The following COL4A2 variants were observed in gnomAD, a reference collection of about 807,000 sequenced individuals.
COL4A2 encodes collagen type IV alpha 2 chain.
COL4A2 carries 99 observed loss-of-function variants against 200.2 expected under a neutral mutation model. The ratio of observed to expected loss-of-function variants is 0.49; its 90% CI spans 0.42 to 0.58. The LOEUF is 0.58. Ranked by LOEUF, COL4A2 falls within the 20% of genes least tolerant of loss-of-function variation. The probability of loss-of-function intolerance (pLI) is 0.00; values close to 1 mark genes in which losing one functional copy is unlikely to be tolerated. For missense variants in COL4A2, 1,950 were observed against 2,314.1 expected (o/e 0.84, Z 3.23); for synonymous variants, 897 against 900.6 (o/e 1.00, Z 0.07).
intron 28 of COL4A2, among the ~76,000 whole-genome samples, chr13:110,469,964 G>T (rs1415059180): frequency 2.1e-5 from 3 of 142,968 alleles, no homozygotes; most frequent in Non-Finnish European, 4.5e-5. Flanking sequence ...ACCCAGGCTG[G>T]AGTGCAGTGG....
intron 4 of COL4A2, among the ~76,000 whole-genome samples, chr13:110,389,409 C>A (rs769409879): frequency 1.3e-5 from 2 of 152,140 alleles, no homozygotes; most frequent in East Asian, 3.8e-4. Context: ...TAGAAGTGTG[C>A]GTGTGCGAGA....
chr13:110,503,886 T>A lies in COL4A2; in HGVS notation c.4178T>A (p.Ile1393Asn). ...GTGGGAGCCCCCGGGATTGCAGGAA[T>A]CCCCCAGAAGATTGCCGTCCAACCA... Reference protein sequence around the residue: ...GTVGAPGIAGIPQKIAVQPGT... With the variant: ...GTVGAPGIAGNPQKIAVQPGT... The change falls in exon 44 of 48, where the codon ATC becomes AAC. Residue 1393 changes from isoleucine to asparagine, a missense_variant. Around this residue, in one of 2 missense-constraint regions of COL4A2, gnomAD observed 1,385 missense variants for 1,720.5 expected, o/e 0.80. Coordinates refer to ENST00000360467, the MANE Select transcript of COL4A2 (RefSeq NM_001846.4). 3.1e-6 allele frequency: 5 copies of A among 1,613,548 alleles called. No individual in the cohort carries two copies. The highest frequency in any genetic ancestry group is 4.2e-6 in the Non-Finnish European group (5 of 1,179,766).
chr13:110,373,413 A>C (rs192305586), intron 4 of COL4A2, among the ~76,000 whole-genome samples: 1 of 152,246 alleles, frequency 6.6e-6, no homozygotes, highest in Non-Finnish European at 1.5e-5. Flanking sequence ...GGCTTTGGGT[A>C]GTGAAATATT....
At chr13:110,391,688 A>C (rs1168102484) in intron 4 of COL4A2, among the ~76,000 whole-genome samples, 1 of 152,226 alleles carries the variant, frequency 6.6e-6, no homozygotes, top group Admixed American at 6.5e-5. Flanking sequence ...ACAGAAGAGC[A>C]ACACCTTTCT....
intron 20 of COL4A2, among the ~76,000 whole-genome samples, chr13:110,456,053 C>G (rs1293130708): frequency 6.6e-6 from 1 of 152,226 alleles, no homozygotes; most frequent in African/African-American, 2.4e-5. Context: ...ACACCCTCCT[C>G]CTGCCACGAG....
intron 28 of COL4A2, among the ~76,000 whole-genome samples, chr13:110,472,325 C>G (rs919560006): frequency 3.3e-5 from 5 of 152,046 alleles, no homozygotes; most frequent in Non-Finnish European, 7.4e-5. Flanking sequence ...CCGTGTTAGC[C>G]AGGATGGTCT....
chr13:110,338,499 C>G (rs984946374), intron 3 of COL4A2, among the ~76,000 whole-genome samples: 1 of 152,140 alleles, frequency 6.6e-6, no homozygotes, highest in African/African-American at 2.4e-5. Context: ...CCCGTTAAAC[C>G]CAGATAATTC....
At chr13:110,374,615 G>A (rs533140981) in intron 4 of COL4A2, among the ~76,000 whole-genome samples, 71 of 152,262 alleles carry the variant, frequency 4.7e-4, no homozygotes, top group Non-Finnish European at 4.4e-5. Context: ...CTGGCAAATC[G>A]ATTTGGCTCT....
intron 4 of COL4A2, among the ~76,000 whole-genome samples, chr13:110,404,409 T>C (rs942884914): frequency 1.3e-5 from 2 of 152,184 alleles, no homozygotes; most frequent in African/African-American, 2.4e-5. Context: ...TTCTGTGATA[T>C]GGGCAGGGGG....
chr13:110,486,718 G>GGGGC lies in COL4A2; in HGVS notation c.3207+883_3207+886dup, dbSNP rs376675653. Among the ~76,000 whole-genome samples, 661 of 152,240 alleles carry GGGGC rather than the reference G, an allele frequency of 4.3e-3. 3 individuals are homozygous for GGGGC. Among genetic ancestry groups the GGGGC allele is most frequent in the African/African-American group, 0.014 (597 of 41,530 alleles). ...AGAGTCAGCGAAGGGAGATAGGGGT[G>GGGGC]GGGCCGTTTTATAGGATTTGGGTAG... On this transcript the variant is annotated intron_variant, in intron 34 of 47. Coordinates refer to ENST00000360467, the MANE Select transcript of COL4A2 (RefSeq NM_001846.4).
chr13:110,478,025 G>A lies in COL4A2; in HGVS notation c.2448G>A (p.Met816Ile). 1.3e-6 allele frequency: 2 copies of A among 1,580,908 alleles called. No individual in the cohort carries two copies. Among genetic ancestry groups the A allele is most frequent in the Non-Finnish European group, 1.7e-6 (2 of 1,159,924 alleles). ...GFRGSQGMPGMPGLKGQPGLP... is the reference protein window; with the variant it reads ...GFRGSQGMPGIPGLKGQPGLP... ...CAGGAAGCCAAGGGATGCCTGGGAT[G>A]CCAGGGCTGAAGGGCCAGCCAGGCC... The change falls in exon 30 of 48, where the codon ATG (methionine) becomes ATA (isoleucine). Residue 816 changes from methionine (M) to isoleucine (I), a missense_variant. Met to Ile is a conservative substitution (Grantham distance 10). Around this residue, in one of 2 missense-constraint regions of COL4A2, gnomAD observed 1,385 missense variants for 1,720.5 expected, o/e 0.80. Transcript: ENST00000360467.
chr13:110,437,694 G>A (rs565724749), intron 13 of COL4A2, among the ~76,000 whole-genome samples: 8 of 152,178 alleles, frequency 5.3e-5, no homozygotes, highest in African/African-American at 1.4e-4. Context: ...CCCACCATAC[G>A]GATGTAAACA....
At chr13:110,337,870 A>G (rs1407281464) in intron 3 of COL4A2, among the ~76,000 whole-genome samples, 1 of 152,226 alleles carries the variant, frequency 6.6e-6, no homozygotes, top group African/African-American at 2.4e-5. Context: ...AGATATATGT[A>G]CTCACTAAAA....
At chr13:110,485,163 C>A in intron 33 of COL4A2, 136 bp downstream of exon 33, 1 of 725,444 alleles carries the variant, frequency 1.4e-6, no homozygotes, top group Non-Finnish European at 2.2e-6. Context: ...TCTGGGCGCC[C>A]TGTGTGTCCA....
chr13:110,464,235 A>G (rs1338595932), intron 24 of COL4A2, among the ~76,000 whole-genome samples: 1 of 152,150 alleles, frequency 6.6e-6, no homozygotes, highest in Non-Finnish European at 1.5e-5. Flanking sequence ...TGCCAGTCCC[A>G]GCCCAGCTGG....
intron 43 of COL4A2, 39 bp from the exon 44 acceptor site, chr13:110,503,808 C>A: frequency 6.2e-7 from 1 of 1,613,248 alleles, no homozygotes; most frequent in Non-Finnish European, 8.5e-7. Flanking sequence ...AGTGGAACGA[C>A]CTTGTGTGTT....
At chr13:110,334,529 C>T (rs532684192) in intron 3 of COL4A2, among the ~76,000 whole-genome samples, 15 of 152,332 alleles carry the variant, frequency 9.8e-5, no homozygotes, top group African/African-American at 3.6e-4. Flanking sequence ...GCTTCCCTTC[C>T]CAAGTAGAAA....
intron 4 of COL4A2, among the ~76,000 whole-genome samples, chr13:110,370,212 G>GAAAA (rs145251384): frequency 6.7e-6 from 1 of 148,398 alleles, no homozygotes; most frequent in Non-Finnish European, 1.5e-5. Flanking sequence ...CCAAAAAAAA[G>GAAAA]AAAAAAAAAA....
intron 40 of COL4A2, 33 bp from the exon 41 acceptor site, chr13:110,501,635 G>A (rs771704371): frequency 3.2e-5 from 51 of 1,574,498 alleles, no homozygotes; most frequent in South Asian, 2.2e-4. Context: ...GGGTGCTAAC[G>A]CTGAAAATAA....
Sources: gnomAD v4.1 joint callset for allele counts (sites outside exome capture counted in the v4.1 genomes callset) on GRCh38, gnomAD v4.1.1 for gene constraint, gnomAD v4.1.1 regional missense constraint, MANE v1.5 for transcripts, NCBI Gene and HGNC (gene_info 2026-07-23, HGNC 2026-07-21) for gene names.